Variants in C2CD3 observed in about 807,000 individuals in gnomAD.
The protein encoded by C2CD3 is C2 domain containing 3 centriole elongation regulator.
Under a neutral mutation model 234.0 loss-of-function variants are expected in C2CD3, and 148 were observed. The ratio of observed to expected loss-of-function variants is 0.63; its 90% CI spans 0.55 to 0.72. The LOEUF is 0.72. C2CD3 is among the 30% of genes least tolerant of loss of function. The probability of loss-of-function intolerance (pLI) is 0.00; values close to 1 mark genes in which losing one functional copy is unlikely to be tolerated. For synonymous variants in C2CD3, 1,000 were observed against 1,035.4 expected, an observed-to-expected ratio of 0.97 and a Z score of 0.66; for missense variants, 2,577 against 2,811.5, an observed-to-expected ratio of 0.92 and a Z score of 1.89.
At chr11:74,128,958 C>T in intron 7 of C2CD3, 4 of 284,416 alleles carry the variant, frequency 1.4e-5, no homozygotes, top group South Asian at 1.2e-4. Context: ...TCTACACAGA[C>T]ACAGCAACCA....
chr11:74,152,719 T>G (rs1393570157), intron 3 of C2CD3, among the ~76,000 whole-genome samples: 1 of 152,234 alleles, frequency 6.6e-6, no homozygotes, highest in Non-Finnish European at 1.5e-5. Context: ...GGTCTGGTTT[T>G]GTTTTTAGAA....
At chr11:74,139,560 G>T in intron 4 of C2CD3, 45 bp downstream of exon 4, 2 of 1,257,278 alleles carry the variant, frequency 1.6e-6, no homozygotes, top group Non-Finnish European at 2.3e-6. Flanking sequence ...CACAACTACA[G>T]TGCAGTTAAC....
rs1310665158 is a variant in C2CD3 at position 74,073,074 on chromosome 11, C to T, written c.4951+1179G>A. 2.6e-5 allele frequency among the ~76,000 whole-genome samples: 4 copies of T among 152,084 alleles called. No homozygotes were observed. In the East Asian group the frequency reaches 7.7e-4, roughly 29 times the overall value. ...GGGGAAATTTTAGGAGATTACAATG[C>T]TGAATAAAGGTAGGGCAGGAATTCT... On this transcript the variant is annotated intron_variant, in intron 24 of 32. Transcript: ENST00000334126.
chr11:74,046,463 C>T (rs993155701), intron 28 of C2CD3, among the ~76,000 whole-genome samples: 1 of 152,188 alleles, frequency 6.6e-6, no homozygotes, highest in South Asian at 2.1e-4. Flanking sequence ...CCTGCCTCAA[C>T]CTCCTGAGTA....
intron 26 of C2CD3, among the ~76,000 whole-genome samples, chr11:74,053,888 C>G (rs1953820787): frequency 8.2e-6 from 1 of 122,460 alleles, no homozygotes; most frequent in African/African-American, 6.9e-5. Context: ...GAGGCTGAGG[C>G]AGGAGATTGC....
At chr11:74,039,786 T>G (rs1412323978) in intron 29 of C2CD3, among the ~76,000 whole-genome samples, 1 of 152,110 alleles carries the variant, frequency 6.6e-6, no homozygotes, top group African/African-American at 2.4e-5. Flanking sequence ...AAACAAAATA[T>G]CTGACCAGAA....
Position 74,057,560 on chromosome 11 carries a change from G to C in C2CD3, c.4952-16C>G. ...AAGGGGCTCCCTGAAATAGAATAAA[G>C]TGCAGTGACTGTACTTTAGGGTACA... On this transcript the variant is annotated splice_polypyrimidine_tract_variant and intron_variant, in intron 24 of 32. Transcript: ENST00000334126. The C allele has an allele frequency of 6.2e-7, 1 of 1,613,940 alleles. No homozygotes were observed. The highest frequency in any genetic ancestry group is 8.5e-7 in the Non-Finnish European group (1 of 1,179,880).
chr11:74,133,275 C>G, intron 6 of C2CD3, 150 bp downstream of exon 6: 1 of 728,310 alleles, frequency 1.4e-6, no homozygotes, highest in Admixed American at 2.7e-5. Context: ...TTTTTAGTAT[C>G]TTAACTCCTA....
intron 11 of C2CD3, among the ~76,000 whole-genome samples, chr11:74,112,920 T>C (rs529752212): frequency 6.6e-6 from 1 of 152,214 alleles, no homozygotes; most frequent in Non-Finnish European, 1.5e-5. Flanking sequence ...AGTTACCATA[T>C]GACCCAGCAA....
At chr11:74,130,093 A>C (rs1392080129) in intron 7 of C2CD3, 1 of 77,734 alleles carries the variant, frequency 1.3e-5, no homozygotes, top group East Asian at 4.0e-4. Context: ...CCGTGGGGAG[A>C]GGGAGAGGGA....
intron 24 of C2CD3, among the ~76,000 whole-genome samples, chr11:74,064,821 G>C (rs972001958): frequency 2.6e-5 from 4 of 152,114 alleles, no homozygotes; most frequent in Non-Finnish European, 5.9e-5. Context: ...AATGGGAAAA[G>C]AATTCCCTAT....
At chr11:74,077,977 T>C in intron 23 of C2CD3, 138 bp downstream of exon 23, 2 of 1,024,698 alleles carry the variant, frequency 2.0e-6, no homozygotes, top group African/African-American at 1.6e-5. Context: ...TTTTTATGAA[T>C]GTAAAATGGG....
chr11:74,117,087 AAT>A (rs1229344508), intron 9 of C2CD3, among the ~76,000 whole-genome samples: 38 of 31,860 alleles, frequency 1.2e-3, no homozygotes, highest in East Asian at 4.0e-3. Context: ...TATATATATG[AAT>A]ATATATATAT....
chr11:74,097,127 C>A (rs1956140713), intron 16 of C2CD3, among the ~76,000 whole-genome samples: 3 of 145,248 alleles, frequency 2.1e-5, no homozygotes, highest in South Asian at 4.3e-4. Flanking sequence ...CCAGCCTGGG[C>A]AACAGAGCAA....
intron 32 of C2CD3, chr11:74,016,760 C>G (rs2135398162): frequency 6.6e-6 from 1 of 152,348 alleles, no homozygotes; most frequent in South Asian, 2.1e-4. Flanking sequence ...TCAAATGTAT[C>G]ATCCATTCCT....
intron 3 of C2CD3, among the ~76,000 whole-genome samples, chr11:74,156,204 G>A (rs1003208882): frequency 5.9e-5 from 9 of 151,532 alleles, no homozygotes; most frequent in Non-Finnish European, 1.3e-4. Context: ...AACCCAGGAG[G>A]TGGAGGTTGC....
chr11:74,168,328 T>C lies in C2CD3; in HGVS notation c.325+16A>G. On this transcript the variant is annotated intron_variant, in intron 2 of 32. Transcript: ENST00000334126. ...TGTATTACGTCTGCAGGTGCAATGA[T>C]AAAACAATAACATACCTGTTAGATA... is the stretch of plus-strand genomic sequence containing the variant. 1 of 1,606,444 alleles carries C rather than the reference T, an allele frequency of 6.2e-7. No individual in the cohort carries two copies. Among genetic ancestry groups the C allele is most frequent in the Non-Finnish European group, 8.5e-7 (1 of 1,173,056 alleles).
intron 2 of C2CD3, among the ~76,000 whole-genome samples, chr11:74,166,378 C>A (rs1856815896): frequency 2.0e-5 from 3 of 151,616 alleles, no homozygotes; most frequent in Admixed American, 1.3e-4. Flanking sequence ...TAAGGTTCAC[C>A]TCATGTGTCT....
chr11:74,101,802 T>G (rs1956325396), intron 14 of C2CD3, among the ~76,000 whole-genome samples: 1 of 151,984 alleles, frequency 6.6e-6, no homozygotes, highest in African/African-American at 2.4e-5. Flanking sequence ...CTATCTAGTA[T>G]AAGGGGAAGA....
Sources: allele counts gnomAD v4.1 joint callset (sites outside exome capture counted in the v4.1 genomes callset), GRCh38; gene constraint gnomAD v4.1.1; transcripts MANE v1.5; gene names NCBI Gene and HGNC (gene_info 2026-07-23, HGNC 2026-07-21).